The following GALNT16 variants were observed in gnomAD, a reference collection of about 807,000 sequenced individuals.
GALNT16 encodes polypeptide N-acetylgalactosaminyltransferase 16, also known as UDP-GalNAc:polypeptide N-acetylgalactosaminyltransferase-like protein 1.
In GALNT16, 40 loss-of-function variants were observed where a neutral mutation model predicts 76.1. That is an observed-to-expected ratio of 0.53 (90% CI 0.41 to 0.68). The LOEUF (loss-of-function observed/expected upper bound fraction) is 0.68, where lower values mean the gene tolerates loss of function less well. Ranked by LOEUF, GALNT16 falls within the 30% of genes least tolerant of loss-of-function variation. GALNT16 has a pLI of 0.00. For synonymous variants in GALNT16, 276 were observed against 285.2 expected (o/e 0.97, Z 0.32); for missense variants, 621 against 731.9 (o/e 0.85, Z 1.75).
intron 11 of GALNT16, among the ~76,000 whole-genome samples, chr14:69,341,047 T>C (rs2045479532): frequency 1.3e-5 from 2 of 152,204 alleles, no homozygotes; most frequent in Admixed American, 1.3e-4. Flanking sequence ...AATGAGGAAC[T>C]AACATTTACT....
chr14:69,377,341 C>G, the GALNT16 span, among the ~76,000 whole-genome samples: 1 of 152,072 alleles, frequency 6.6e-6, no homozygotes, highest in Non-Finnish European at 1.5e-5. Flanking sequence ...ATCACTTAGG[C>G]AATCTAAATT....
intron 6 of GALNT16, among the ~76,000 whole-genome samples, chr14:69,330,222 A>G (rs1288390215): frequency 6.6e-6 from 1 of 152,238 alleles, no homozygotes; most frequent in African/African-American, 2.4e-5. Context: ...TGGTGTATCC[A>G]TACAACAGAA....
At chr14:69,348,412 A>C (rs2045594228) in intron 14 of GALNT16, 3 of 320,662 alleles carry the variant, frequency 9.4e-6, no homozygotes, top group Non-Finnish European at 1.7e-5. Flanking sequence ...TCCATTTTAT[A>C]AGTGAGTAAG....
intron 1 of GALNT16, among the ~76,000 whole-genome samples, chr14:69,266,315 AC>A (rs1197389611): frequency 5.3e-5 from 8 of 152,206 alleles, no homozygotes; most frequent in Non-Finnish European, 1.0e-4. Context: ...TTGGGTTTTT[AC>A]CCCCAAATTT....
At chr14:69,332,353 C>A (rs1293167081) in intron 7 of GALNT16, among the ~76,000 whole-genome samples, 1 of 147,368 alleles carries the variant, frequency 6.8e-6, no homozygotes, top group African/African-American at 2.5e-5. Context: ...CTTAAACTTG[C>A]ATTAATTCAA....
chr14:69,260,201 AAAAC>A lies in GALNT16; in HGVS notation c.-84_-81del. On this transcript the variant is annotated 5_prime_UTR_variant, in exon 1 of 15. Coordinates refer to ENST00000448469, the MANE Select transcript of GALNT16 (RefSeq NM_001168368.2). ...AGGACTGAGCAGCTAGGCGCGAGCG[AAAAC>A]AAACAGCTGGGGCTGCGAGCGCCCC... 1.3e-6 allele frequency: 1 copy of A among 762,358 alleles called. No individual in the cohort carries two copies. The highest frequency in any genetic ancestry group is 3.0e-4 in the Middle Eastern group (1 of 3,294). The allele number at this position is 762,358 out of a possible 1,614,324, so 47.2% of individuals were successfully genotyped here.
chr14:69,336,774 A>T (rs11628757), intron 9 of GALNT16, among the ~76,000 whole-genome samples: 5,800 of 151,632 alleles, frequency 0.038, 137 homozygotes, highest in South Asian at 0.055. Flanking sequence ...GTCACCCAGG[A>T]TGGAGTGCAG....
the GALNT16 span, among the ~76,000 whole-genome samples, chr14:69,379,904 A>G: frequency 6.6e-6 from 1 of 152,244 alleles, no homozygotes. Flanking sequence ...TTGCGTCAAT[A>G]GTAGGTACAA....
chr14:69,268,933 T>G (rs1378714668), intron 1 of GALNT16, among the ~76,000 whole-genome samples: 4 of 152,098 alleles, frequency 2.6e-5, no homozygotes, highest in Non-Finnish European at 5.9e-5. Context: ...GCAGGAAAAG[T>G]GCCCACAGCA....
In GALNT16 at chr14:69,333,226, G is replaced by A; in HGVS notation, c.863+57G>A. On this transcript the variant is annotated intron_variant, in intron 8 of 14. Transcript: ENST00000448469. The surrounding 1 kb of genome is among the most constrained non-coding windows in gnomAD (Gnocchi z 4.2). ...TTCCTTCCCTGGGTCAGGGGCCTGG[G>A]AGGCTCTTGGGAGGCTGTATCGGTC... The A allele has an allele frequency of 1.6e-6, 2 of 1,241,282 alleles. No homozygotes were observed. The highest frequency in any genetic ancestry group is 2.3e-6 in the Non-Finnish European group (2 of 868,812). 76.9% of individuals were successfully genotyped at this position (1,241,282 alleles called of 1,614,324 possible).
At chr14:69,381,174 A>G in the GALNT16 span, among the ~76,000 whole-genome samples, 476 of 152,196 alleles carry the variant, frequency 3.1e-3, 4 homozygotes, top group African/African-American at 0.011. Context: ...CTGCCTACTC[A>G]GGAGGCTGAG....
At chr14:69,291,439 A>T (rs1404982013) in intron 1 of GALNT16, among the ~76,000 whole-genome samples, 1 of 152,210 alleles carries the variant, frequency 6.6e-6, no homozygotes, top group African/African-American at 2.4e-5. Context: ...GGTGGCTTCC[A>T]GTAGACCAGC....
At chr14:69,302,537 C>G (rs528075394) in intron 1 of GALNT16, among the ~76,000 whole-genome samples, 1 of 152,006 alleles carries the variant, frequency 6.6e-6, no homozygotes, top group African/African-American at 2.4e-5. Flanking sequence ...TAATGGAACC[C>G]TTATTTTTAA....
intron 1 of GALNT16, among the ~76,000 whole-genome samples, chr14:69,276,199 C>G (rs544892847): frequency 6.6e-6 from 1 of 151,252 alleles, no homozygotes; most frequent in South Asian, 2.1e-4. Flanking sequence ...GGGACACAGC[C>G]AAATCATATC....
At chr14:69,339,170 G>A (rs143240452) in intron 10 of GALNT16, among the ~76,000 whole-genome samples, 26 of 152,222 alleles carry the variant, frequency 1.7e-4, no homozygotes, top group African/African-American at 5.5e-4. Flanking sequence ...AGGGAGAGTG[G>A]GTAATGTCCT....
Position 69,341,695 on chromosome 14 carries a change from T to C in GALNT16, c.1202T>C (p.Ile401Thr). Residue 401 changes from isoleucine (I) to threonine (T), a missense_variant, in exon 12 of 15, where the codon ATA becomes ACA. By Grantham distance (89) the Ile-to-Thr change is moderately conservative. Coordinates refer to ENST00000448469, the MANE Select transcript of GALNT16 (RefSeq NM_001168368.2). The stretch of plus-strand genomic sequence containing the variant: ...TCCTCCTACAGTGTGGCTACGCGGA[T>C]AGAGCAGAGGAAGAAGATGAACTGC... ...GKAFGSVATR[I>T]EQRKKMNCKS... The C allele has an allele frequency of 2.5e-6, 4 of 1,612,254 alleles. No homozygotes were observed. The highest frequency in any genetic ancestry group is 3.4e-6 in the Non-Finnish European group (4 of 1,178,866).
chr14:69,324,807 G>A lies in GALNT16; in HGVS notation c.434+17G>A, dbSNP rs1159575106. The A allele has an allele frequency of 3.9e-6, 6 of 1,524,506 alleles. No individual in the cohort carries two copies. Among genetic ancestry groups the A allele is most frequent in the East Asian group, 2.3e-5 (1 of 43,960 alleles). The allele number at this position is 1,524,506 out of a possible 1,614,324, so 94.4% of individuals were successfully genotyped here. ...AGTGAAGAGGTAAGTCCAGCCATGG[G>A]ACTCTCATCTCAGTGGTGCTGGCAG... On this transcript the variant is annotated intron_variant, in intron 3 of 14. Transcript: ENST00000448469.
chr14:69,325,067 A>AG (rs2140169892), intron 3 of GALNT16, among the ~76,000 whole-genome samples: 1 of 152,332 alleles, frequency 6.6e-6, no homozygotes, highest in South Asian at 2.1e-4. Context: ...AGGCCTCAGG[A>AG]GGGTGATGGA....
Position 69,317,845 on chromosome 14 carries a change from A to T in GALNT16, c.178-2866A>T, listed in dbSNP as rs377385647. ...ATCAAAGAATGGGGCTAAAGGCAAA[A>T]GGAGGAGTTCAAGAGCTGGAAGGAA... On this transcript the variant is annotated intron_variant, in intron 1 of 14. Transcript: ENST00000448469. 3.2e-4 allele frequency among the ~76,000 whole-genome samples: 49 copies of T among 152,306 alleles called. 1 individual carries two copies. In the South Asian group the frequency reaches 0.01, roughly 32 times the overall value.
Sources: allele counts gnomAD v4.1 joint callset (sites outside exome capture counted in the v4.1 genomes callset), GRCh38; gene constraint gnomAD v4.1.1; non-coding constraint Gnocchi (gnomAD v3.1); transcripts MANE v1.5; gene names NCBI Gene and HGNC (gene_info 2026-07-23, HGNC 2026-07-21).